The following CARD6 variants were observed in gnomAD, a reference collection of about 807,000 sequenced individuals.
The protein encoded by CARD6 is caspase recruitment domain-containing protein 6.
CARD6 carries 27 observed loss-of-function variants against 23.6 expected under a neutral mutation model. The observed-to-expected ratio is 1.14, with a 90% CI of 0.84 to 1.58. The LOEUF (loss-of-function observed/expected upper bound fraction) is 1.58, where lower values mean the gene tolerates loss of function less well. Among genes scored for constraint, CARD6 ranks in the 40% most tolerant of loss-of-function variants. The probability of loss-of-function intolerance (pLI) is 0.00; values close to 1 mark genes in which losing one functional copy is unlikely to be tolerated. For synonymous variants in CARD6, 397 were observed against 431.8 expected, an observed-to-expected ratio of 0.92 and a Z score of 1.00; for missense variants, 1,214 against 1,209.9, an observed-to-expected ratio of 1.00 and a Z score of -0.05.
In CARD6 at chr5:40,854,381, A is replaced by G; in HGVS notation, c.3049A>G (p.Thr1017Ala). Residue 1017 changes from threonine to alanine, a missense_variant, in exon 3 of 3, where the codon ACC becomes GCC. Physicochemically the swap from Thr to Ala is moderately conservative, Grantham distance 58. Coordinates refer to ENST00000254691, the MANE Select transcript of CARD6 (RefSeq NM_032587.4). The part of the protein sequence containing the change: ...PRPPQPKSSS[T>A]NPSQAKAHHS... ...ACCCCCTCAACCTAAGTCATCCTCA[A>G]CCAATCCTTCACAAGCTAAGGCACA... is the stretch of plus-strand genomic sequence containing the variant. 1 of 1,614,070 alleles carries G rather than the reference A, an allele frequency of 6.2e-7. No individual in the cohort carries two copies. Among genetic ancestry groups the G allele is most frequent in the Non-Finnish European group, 8.5e-7 (1 of 1,180,004 alleles).
At chr5:40,848,800 C>T (rs1746009198) in intron 2 of CARD6, among the ~76,000 whole-genome samples, 1 of 151,884 alleles carries the variant, frequency 6.6e-6, no homozygotes, top group African/African-American at 2.4e-5. Flanking sequence ...TTTCTTTTTG[C>T]CTTAGCTGAG....
At position 40,852,293 on chromosome 5, in the gene CARD6, A is replaced by T; in HGVS notation, c.961A>T (p.Ser321Cys). 5.6e-6 allele frequency: 9 copies of T among 1,613,958 alleles called. No homozygotes were observed. The highest frequency in any genetic ancestry group is 7.6e-6 in the Non-Finnish European group (9 of 1,179,830). ...TCGAGGATGTAAGTGGACCCCTGAGAGTCCAGGAGACTTAGCCTGGAATTT... is the reference window on the plus strand; with the variant it reads ...TCGAGGATGTAAGTGGACCCCTGAGTGTCCAGGAGACTTAGCCTGGAATTT... Reference protein sequence around the residue: ...LDRGCKWTPESPGDLAWNFLM... With the variant: ...LDRGCKWTPECPGDLAWNFLM... Residue 321 changes from serine to cysteine, a missense_variant, in exon 3 of 3, where the codon AGT becomes TGT. Physicochemically the swap from Ser to Cys is moderately radical, Grantham distance 112. Transcript: ENST00000254691.
chr5:40,851,352 T>C (rs2112175655), intron 2 of CARD6, among the ~76,000 whole-genome samples: 1 of 152,004 alleles, frequency 6.6e-6, no homozygotes, highest in Admixed American at 6.6e-5. Context: ...TAGAATCTAC[T>C]AAGTAAAACT....
At position 40,841,537 on chromosome 5, in the gene CARD6, A is replaced by G. The variant is rs1404006418; in HGVS notation, c.155A>G (p.Asp52Gly). ...TATGAGACTCTGGAGAATGTTACAG[A>G]TCTCCTGAAGAAAAGTCGGAAGCTG... is the stretch of plus-strand genomic sequence containing the variant. ...EEYETLENVT[D>G]LLKKSRKLLI... Residue 52 changes from aspartate (D) to glycine (G), a missense_variant, in exon 1 of 3, where the codon GAT (aspartate) becomes GGT (glycine). Physicochemically the swap from Asp to Gly is moderately conservative, Grantham distance 94. Transcript: ENST00000254691. 2 of 1,614,152 alleles carry G rather than the reference A, an allele frequency of 1.2e-6. No homozygotes were observed. Among genetic ancestry groups the G allele is most frequent in the Non-Finnish European group, 1.7e-6 (2 of 1,180,004 alleles).
rs185911487 is a variant in CARD6, at chr5:40,852,046, G to T, written c.842-128G>T. 490 of 629,356 alleles carry T rather than the reference G, an allele frequency of 7.8e-4. 1 individual carries two copies. Among genetic ancestry groups the T allele is most frequent in the Non-Finnish European group, 1.1e-3 (381 of 355,398 alleles). The allele number at this position is 629,356 out of a possible 1,614,324, so 39.0% of individuals were successfully genotyped here. On this transcript the variant is annotated intron_variant, in intron 2 of 2. Coordinates refer to ENST00000254691, the MANE Select transcript of CARD6 (RefSeq NM_032587.4). ...AGGCTAAGATGGTAGGATTGCTTGA[G>T]CCCAGGGTGATGATCATGCCCCTGG...
intron 2 of CARD6, among the ~76,000 whole-genome samples, chr5:40,845,122 C>T (rs1336683497): frequency 3.3e-5 from 5 of 152,090 alleles, no homozygotes; most frequent in Non-Finnish European, 2.9e-5. Flanking sequence ...CCCACCTTGG[C>T]CTCCCAAAAT....
chr5:40,844,868 CTT>C (rs761641223), intron 2 of CARD6, among the ~76,000 whole-genome samples: 40 of 134,420 alleles, frequency 3.0e-4, no homozygotes, highest in Non-Finnish European at 3.4e-4. Context: ...TTGCTTCCTT[CTT>C]TTTTTTTTTT....
chr5:40,843,124 T>C (rs1480284498), intron 1 of CARD6, 28 bp from the exon 2 acceptor site: 3 of 1,489,946 alleles, frequency 2.0e-6, no homozygotes, highest in East Asian at 2.3e-5. Context: ...TTTTTCTTAA[T>C]TGGGAAAAAC....
rs549931050 is a variant in CARD6, at chr5:40,854,846, T to C, written c.*400T>C. ...CTCAGGTGATCCGCCCACCTAGGCC[T>C]CTCAAAGTGTTGGGATTACGTGTGT... On this transcript the variant is annotated 3_prime_UTR_variant, in exon 3 of 3. Coordinates refer to ENST00000254691, the MANE Select transcript of CARD6 (RefSeq NM_032587.4). 1.1e-3 allele frequency: 209 copies of C among 188,186 alleles called. 1 individual carries two copies. Among genetic ancestry groups the C allele is most frequent in the African/African-American group, 4.6e-3 (197 of 42,762 alleles). 11.7% of individuals were successfully genotyped at this position (188,186 alleles called of 1,614,324 possible).
chr5:40,843,817 A>C (rs1745920785), intron 2 of CARD6, 108 bp downstream of exon 2: 1 of 691,934 alleles, frequency 1.4e-6, no homozygotes, highest in East Asian at 3.0e-5. Context: ...GTCAGCAGAA[A>C]ATCAACTACT....
At position 40,854,399 on chromosome 5, in the gene CARD6, A is replaced by G; in HGVS notation, c.3067A>G (p.Lys1023Glu). Residue 1023 changes from lysine to glutamate, a missense_variant, in exon 3 of 3, where the codon AAG becomes GAG. Lys to Glu is a moderately conservative substitution (Grantham distance 56). Coordinates refer to ENST00000254691, the MANE Select transcript of CARD6 (RefSeq NM_032587.4). ...ATCCTCAACCAATCCTTCACAAGCT[A>G]AGGCACACCACTCAAAAGCAGGGCA... Reference protein sequence around the residue: ...KSSSTNPSQAKAHHSKAGQKR... With the variant: ...KSSSTNPSQAEAHHSKAGQKR... 1 of 1,614,168 alleles carries G rather than the reference A, an allele frequency of 6.2e-7. No individual in the cohort carries two copies. The highest frequency in any genetic ancestry group is 8.5e-7 in the Non-Finnish European group (1 of 1,180,018).
At position 40,853,133 on chromosome 5, in the gene CARD6, A is replaced by G. The variant is rs1265785521; in HGVS notation, c.1801A>G (p.Asn601Asp). The G allele has an allele frequency of 6.2e-7, 1 of 1,614,134 alleles. No individual in the cohort carries two copies. Among genetic ancestry groups the G allele is most frequent in the Non-Finnish European group, 8.5e-7 (1 of 1,180,028 alleles). The change falls in exon 3 of 3, where the codon AAC (asparagine) becomes GAC (aspartate). Residue 601 changes from asparagine (N) to aspartate (D), a missense_variant. Coordinates refer to ENST00000254691, the MANE Select transcript of CARD6 (RefSeq NM_032587.4). The part of the protein sequence containing the change: ...EEAQIFQRIL[N>D]LKPAQLLFWE... ...GGCTCAAATTTTTCAGAGGATACTGAACTTGAAGCCAGCACAGCTACTGTT... is the reference window on the plus strand; with the variant it reads ...GGCTCAAATTTTTCAGAGGATACTGGACTTGAAGCCAGCACAGCTACTGTT...
chr5:40,854,031 A>C lies in CARD6; in HGVS notation c.2699A>C (p.Gln900Pro). Residue 900 changes from glutamine (Q) to proline (P), a missense_variant, in exon 3 of 3, where the codon CAA (glutamine) becomes CCA (proline). Physicochemically the swap from Gln to Pro is moderately conservative, Grantham distance 76. Coordinates refer to ENST00000254691, the MANE Select transcript of CARD6 (RefSeq NM_032587.4). ...HIGKPHPQSF[Q>P]PAAATQKLRP... ...GGAAAGCCTCACCCTCAGTCCTTTC[A>C]ACCAGCAGCAGCCACACAAAAACTA... 6.2e-7 allele frequency: 1 copy of C among 1,614,200 alleles called. No individual in the cohort carries two copies. The highest frequency in any genetic ancestry group is 8.5e-7 in the Non-Finnish European group (1 of 1,180,036).
In CARD6 at chr5:40,852,857, T is replaced by C; in HGVS notation, c.1525T>C (p.Trp509Arg). 2 of 1,614,208 alleles carry C rather than the reference T, an allele frequency of 1.2e-6. No individual in the cohort carries two copies. The highest frequency in any genetic ancestry group is 1.1e-5 in the South Asian group (1 of 91,078). Reference protein sequence around the residue: ...QISDGLVEITWCFPDSDDRKE... With the variant: ...QISDGLVEITRCFPDSDDRKE... ...CTCTGATGGCCTGGTTGAGATAACA[T>C]GGTGTTTTCCTGATAGCGATGATAG... Residue 509 changes from tryptophan (W) to arginine (R), a missense_variant, in exon 3 of 3, where the codon TGG (tryptophan) becomes CGG (arginine). Coordinates refer to ENST00000254691, the MANE Select transcript of CARD6 (RefSeq NM_032587.4).
In CARD6 at chr5:40,843,378, C is replaced by T; in HGVS notation, c.510C>T (p.Asp170=). The T allele has an allele frequency of 1.2e-6, 2 of 1,613,980 alleles. No homozygotes were observed. The highest frequency in any genetic ancestry group is 1.7e-6 in the Non-Finnish European group (2 of 1,179,912). Residue 170 remains aspartate (D), a synonymous_variant, in exon 2 of 3, where the codon GAC becomes GAT. Coordinates refer to ENST00000254691, the MANE Select transcript of CARD6 (RefSeq NM_032587.4). ...LSARKNEKEY[D]TPEVTLSYSV... ...CCAGGAAGAATGAGAAGGAATATGA[C>T]ACACCAGAAGTCACATTATCATATT...
At position 40,852,729 on chromosome 5, in the gene CARD6, C is replaced by T; in HGVS notation, c.1397C>T (p.Ser466Phe). The T allele has an allele frequency of 1.9e-6, 3 of 1,613,656 alleles. No individual in the cohort carries two copies. Among genetic ancestry groups the T allele is most frequent in the Non-Finnish European group, 2.5e-6 (3 of 1,179,784 alleles). ...GTGCGTCTAGGATACTGTAGCTTCT[C>T]TAAGTCCAGAATCCTCAACACACTT... is the stretch of plus-strand genomic sequence containing the variant. The part of the protein sequence containing the change: ...SFVRLGYCSF[S>F]KSRILNTLLS... The change falls in exon 3 of 3, where the codon TCT (serine) becomes TTT (phenylalanine). Residue 466 changes from serine to phenylalanine, a missense_variant. Transcript: ENST00000254691.
chr5:40,843,524 A>G lies in CARD6; in HGVS notation c.656A>G (p.Asp219Gly), dbSNP rs150432728. Reference protein sequence around the residue: ...LGKEEYLGSVDTPEDAEATVE... With the variant: ...LGKEEYLGSVGTPEDAEATVE... ...AAAGAGGAATATCTAGGATCTGTTG[A>G]CACCCCTGAAGATGCAGAAGCCACT... Residue 219 changes from aspartate to glycine, a missense_variant, in exon 2 of 3, where the codon GAC becomes GGC. Physicochemically the swap from Asp to Gly is moderately conservative, Grantham distance 94. Coordinates refer to ENST00000254691, the MANE Select transcript of CARD6 (RefSeq NM_032587.4). The G allele has an allele frequency of 9.9e-6, 16 of 1,608,394 alleles. No individual in the cohort carries two copies. In the African/African-American group the frequency reaches 1.9e-4, roughly 19 times the overall value.
rs1288594145 is a variant in CARD6, at chr5:40,843,502, G to A, written c.634G>A (p.Glu212Lys). Reference sequence around the variant, plus strand: ...AGATGATTCTTTATACTTAGGAAAAGAGGAATATCTAGGATCTGTTGACAC... The same window carrying A: ...AGATGATTCTTTATACTTAGGAAAAAAGGAATATCTAGGATCTGTTGACAC... ...ELDDSLYLGK[E>K]EYLGSVDTPE... is the part of the protein sequence containing the mutation. The change falls in exon 2 of 3, where the codon GAG (glutamate) becomes AAG (lysine). Residue 212 changes from glutamate (E) to lysine (K), a missense_variant. Coordinates refer to ENST00000254691, the MANE Select transcript of CARD6 (RefSeq NM_032587.4). The A allele has an allele frequency of 1.2e-6, 2 of 1,607,972 alleles. No homozygotes were observed. The highest frequency in any genetic ancestry group is 2.7e-5 in the African/African-American group (2 of 74,438).
At position 40,843,629 on chromosome 5, in the gene CARD6, A is replaced by C; in HGVS notation, c.761A>C (p.Glu254Ala). ...EEDFENSETT[E>A]FSGEEPSYEG... is the part of the protein sequence containing the mutation. ...GACTTCGAGAATTCAGAAACCACAG[A>C]GTTCTCTGGTGAAGAACCAAGTTAT... Residue 254 changes from glutamate to alanine, a missense_variant, in exon 2 of 3, where the codon GAG (glutamate) becomes GCG (alanine). Coordinates refer to ENST00000254691, the MANE Select transcript of CARD6 (RefSeq NM_032587.4). 1 of 1,595,806 alleles carries C rather than the reference A, an allele frequency of 6.3e-7. No individual in the cohort carries two copies.
Sources: gnomAD v4.1 joint callset for allele counts (sites outside exome capture counted in the v4.1 genomes callset) on GRCh38, gnomAD v4.1.1 for gene constraint, MANE v1.5 for transcripts, NCBI Gene and HGNC (gene_info 2026-07-23, HGNC 2026-07-21) for gene names.